NUP205: variants seen among roughly 807,000 people sequenced by gnomAD.
The protein encoded by NUP205 is nucleoporin 205.
Under a neutral mutation model 253.8 loss-of-function variants are expected in NUP205, and 76 were observed. That is an observed-to-expected ratio of 0.30 (90% CI 0.25 to 0.36). The LOEUF (loss-of-function observed/expected upper bound fraction) is 0.36. NUP205 is among the 10% of genes least tolerant of loss of function. The probability of loss-of-function intolerance (pLI) is 1.00; values close to 1 mark genes in which losing one functional copy is unlikely to be tolerated. For missense variants in NUP205, 2,162 were observed against 2,425.5 expected (o/e 0.89, Z 2.28); for synonymous variants, 832 against 850.1 (o/e 0.98, Z 0.37).
intron 7 of NUP205, among the ~76,000 whole-genome samples, chr7:135,583,623 G>A (rs1443442026): frequency 1.3e-5 from 2 of 152,020 alleles, no homozygotes; most frequent in East Asian, 3.9e-4. Flanking sequence ...AGCCAGGTGT[G>A]TTGGCGCACA....
At chr7:135,561,939 C>G (rs1435498054) in intron 1 of NUP205, among the ~76,000 whole-genome samples, 1 of 151,576 alleles carries the variant, frequency 6.6e-6, no homozygotes, top group African/African-American at 2.4e-5. Context: ...TTCCTTCCTT[C>G]CCTCCCTCCC....
At chr7:135,579,647 C>T (rs1033548759) in intron 7 of NUP205, among the ~76,000 whole-genome samples, 3 of 151,854 alleles carry the variant, frequency 2.0e-5, no homozygotes, top group African/African-American at 7.3e-5. Context: ...TTGGATCAGT[C>T]AAGAACAGAT....
At chr7:135,570,925 T>C (rs1358593210) in intron 1 of NUP205, among the ~76,000 whole-genome samples, 180 bp from the exon 2 acceptor site, 1 of 105,930 alleles carries the variant, frequency 9.4e-6, no homozygotes, top group East Asian at 2.8e-4. Context: ...TAATATAATA[T>C]AGTTAATGTA....
At chr7:135,558,040 C>T (rs901261795) in intron 1 of NUP205, 68 bp downstream of exon 1, 1 of 1,360,460 alleles carries the variant, frequency 7.4e-7, no homozygotes, top group African/African-American at 1.4e-5. Flanking sequence ...GAGACGAGAC[C>T]GTGAGGTTTC....
intron 8 of NUP205, among the ~76,000 whole-genome samples, chr7:135,586,466 G>A (rs1175675611): frequency 1.3e-5 from 2 of 151,900 alleles, no homozygotes; most frequent in Non-Finnish European, 2.9e-5. Flanking sequence ...CCTCTGCCTT[G>A]GGTTTAATTT....
chr7:135,558,221 A>C (rs1323324160), intron 1 of NUP205: 1 of 557,340 alleles, frequency 1.8e-6, no homozygotes, highest in Non-Finnish European at 3.2e-6. Flanking sequence ...CCAGGTGTGT[A>C]ATCTCTCACA....
chr7:135,568,870 A>C (rs1805861932), intron 1 of NUP205, among the ~76,000 whole-genome samples: 1 of 152,178 alleles, frequency 6.6e-6, no homozygotes. Flanking sequence ...CAAATGCTGC[A>C]CAAGTGCAGC....
chr7:135,632,418 C>T (rs1051677889), intron 35 of NUP205, among the ~76,000 whole-genome samples: 1 of 152,096 alleles, frequency 6.6e-6, no homozygotes, highest in Admixed American at 6.5e-5. Context: ...GGCAGTACGT[C>T]TTTTGAATCT....
intron 20 of NUP205, 60 bp downstream of exon 20, chr7:135,606,286 A>G: frequency 9.5e-7 from 1 of 1,055,382 alleles, no homozygotes; most frequent in Non-Finnish European, 1.5e-6. Flanking sequence ...TGCTTAATTT[A>G]AAGAAAACAC....
intron 24 of NUP205, 33 bp downstream of exon 24, chr7:135,616,098 G>T: frequency 6.3e-7 from 1 of 1,587,852 alleles, no homozygotes; most frequent in South Asian, 1.1e-5. Flanking sequence ...TTGTGCTGGT[G>T]ACTAGTTGTC....
chr7:135,575,579 G>A (rs1393993602), intron 3 of NUP205, among the ~76,000 whole-genome samples: 1 of 152,176 alleles, frequency 6.6e-6, no homozygotes, highest in Non-Finnish European at 1.5e-5. Context: ...GGTGGATCAC[G>A]AGGTCAGGAG....
At chr7:135,615,877 A>AT in intron 23 of NUP205, 39 bp from the exon 24 acceptor site, 1 of 1,513,000 alleles carries the variant, frequency 6.6e-7, no homozygotes, top group Non-Finnish European at 9.1e-7. Flanking sequence ...ATACTGTGTT[A>AT]TTACTCTGGG....
chr7:135,644,812 C>A, intron 39 of NUP205, 83 bp from the exon 40 acceptor site: 1 of 1,305,634 alleles, frequency 7.7e-7, no homozygotes, highest in Non-Finnish European at 1.1e-6. Context: ...TAGCATTTAT[C>A]ATGGTGACCT....
intron 22 of NUP205, among the ~76,000 whole-genome samples, chr7:135,609,776 C>A (rs1050558458): frequency 1.3e-5 from 2 of 152,146 alleles, no homozygotes; most frequent in Admixed American, 1.3e-4. Flanking sequence ...GTCCAAACAT[C>A]CCTTCACTGT....
rs369849449 is a variant in NUP205 at position 135,608,241 on chromosome 7, G to T, written c.3195+870G>T. ...GGGTTTCATCATGTTGGCCAGGATG[G>T]TCTCAATCTCTTGACTTTGTGATCC... On this transcript the variant is annotated intron_variant, in intron 22 of 42. Coordinates refer to ENST00000285968, the MANE Select transcript of NUP205 (RefSeq NM_015135.3). Among the ~76,000 whole-genome samples, 13 of 152,092 alleles carry T rather than the reference G, an allele frequency of 8.5e-5. 1 individual carries two copies. Among genetic ancestry groups the T allele is most frequent in the African/African-American group, 3.1e-4 (13 of 41,490 alleles).
chr7:135,642,573 C>T (rs1794933808), intron 38 of NUP205, among the ~76,000 whole-genome samples: 1 of 152,118 alleles, frequency 6.6e-6, no homozygotes, highest in East Asian at 1.9e-4. Flanking sequence ...TAGCCAGTAG[C>T]CAGGTAAAAG....
intron 10 of NUP205, 135 bp from the exon 11 acceptor site, chr7:135,591,315 T>C (rs1287639127): frequency 3.1e-6 from 2 of 643,692 alleles, no homozygotes; most frequent in East Asian, 3.0e-5. Context: ...AAATAGAATA[T>C]CAGTTAAATT....
chr7:135,587,966 G>C lies in NUP205; in HGVS notation c.1447G>C (p.Ala483Pro). The C allele has an allele frequency of 6.2e-7, 1 of 1,613,356 alleles. No individual in the cohort carries two copies. The highest frequency in any genetic ancestry group is 8.5e-7 in the Non-Finnish European group (1 of 1,179,764). ...PTIMGSYLGV[A>P]HQRPPQRQVV... is the part of the protein sequence containing the mutation. ...TATCATGGGCTCTTATCTAGGGGTG[G>C]CTCATCAGCGGCCCCCTCAACGCCA... Residue 483 changes from alanine to proline, a missense_variant, in exon 10 of 43, where the codon GCT becomes CCT. Around this residue, in one of 5 missense-constraint regions of NUP205, gnomAD observed 892 missense variants for 957.1 expected, o/e 0.93. Transcript: ENST00000285968.
intron 22 of NUP205, among the ~76,000 whole-genome samples, chr7:135,609,682 A>C (rs765853807): frequency 1.3e-5 from 2 of 151,634 alleles, no homozygotes; most frequent in Non-Finnish European, 2.9e-5. Flanking sequence ...CTAACCTCTT[A>C]GTGTTACTGG....
Sources: gnomAD v4.1 joint callset for allele counts (sites outside exome capture counted in the v4.1 genomes callset) on GRCh38, gnomAD v4.1.1 for gene constraint, gnomAD v4.1.1 regional missense constraint, MANE v1.5 for transcripts, NCBI Gene and HGNC (gene_info 2026-07-23, HGNC 2026-07-21) for gene names.